Variants in RARB observed in about 807,000 individuals in gnomAD.
RARB encodes the protein HBV-activated protein.
A neutral mutation model predicts 51.9 loss-of-function variants in RARB; 17 were observed. The observed-to-expected ratio is 0.33, with a 90% confidence interval of 0.22 to 0.49. The LOEUF (loss-of-function observed/expected upper bound fraction) is 0.49. RARB is among the 20% of genes least tolerant of loss of function. The probability of loss-of-function intolerance (pLI) is 0.99; values close to 1 mark genes in which losing one functional copy is unlikely to be tolerated. For synonymous variants in RARB, 215 were observed against 195.4 expected, an observed-to-expected ratio of 1.10 and a Z score of -0.84; for missense variants, 369 against 550.8, an observed-to-expected ratio of 0.67 and a Z score of 3.30.
At chr3:25,429,897 T>C (rs757914027) in intron 1 of RARB, among the ~76,000 whole-genome samples, 9 of 152,242 alleles carry the variant, frequency 5.9e-5, no homozygotes, top group Non-Finnish European at 1.0e-4. Context: ...TGACAATTCA[T>C]TGGAGCATTA....
At chr3:25,204,103 T>C (rs1701466572) in intron 5 of RARB, among the ~76,000 whole-genome samples, 1 of 152,214 alleles carries the variant, frequency 6.6e-6, no homozygotes, top group Non-Finnish European at 1.5e-5. Flanking sequence ...CATAGTCCCA[T>C]ATTTCTTGGA....
chr3:25,041,111 G>A (rs1266521144), intron 2 of RARB, among the ~76,000 whole-genome samples: 1 of 152,170 alleles, frequency 6.6e-6, no homozygotes. Flanking sequence ...TGGGCAGAGG[G>A]ATTATCACAT....
intron 2 of RARB, among the ~76,000 whole-genome samples, chr3:25,056,382 A>G (rs1698443032): frequency 6.6e-6 from 1 of 152,202 alleles, no homozygotes; most frequent in South Asian, 2.1e-4. Context: ...GCTCAAAAGT[A>G]TATTTTGTGA....
At chr3:25,239,435 GTGTTA>G (rs1230308463) in intron 5 of RARB, among the ~76,000 whole-genome samples, 2 of 152,070 alleles carry the variant, frequency 1.3e-5, no homozygotes, top group East Asian at 3.9e-4. Flanking sequence ...ATAGTTTTGG[GTGTTA>G]TGTTTAAGTC....
chr3:25,442,872 C>T (rs781114270), intron 1 of RARB, among the ~76,000 whole-genome samples: 5 of 152,126 alleles, frequency 3.3e-5, no homozygotes, highest in African/African-American at 1.2e-4. Flanking sequence ...TGTCTATTCC[C>T]GTGCTCCACA....
At chr3:24,959,859 G>A (rs191211087) in intron 2 of RARB, among the ~76,000 whole-genome samples, 69 of 152,300 alleles carry the variant, frequency 4.5e-4, no homozygotes, top group Admixed American at 2.0e-3. Flanking sequence ...CTTATTTAAT[G>A]TTCACAAGAA....
At chr3:25,044,258 T>A (rs1698170409) in intron 2 of RARB, among the ~76,000 whole-genome samples, 2 of 152,196 alleles carry the variant, frequency 1.3e-5, no homozygotes, top group Admixed American at 6.5e-5. Flanking sequence ...TATGTGTGAT[T>A]CTGACATTAA....
chr3:25,227,699 A>T (rs575185405), intron 5 of RARB, among the ~76,000 whole-genome samples: 1 of 152,228 alleles, frequency 6.6e-6, no homozygotes, highest in African/African-American at 2.4e-5. Context: ...TTTTATTATC[A>T]TAATTCCAAT....
chr3:25,073,363 G>T (rs968332260), intron 3 of RARB, among the ~76,000 whole-genome samples: 1 of 152,124 alleles, frequency 6.6e-6, no homozygotes, highest in African/African-American at 2.4e-5. Context: ...TTCAATGCAG[G>T]TCATCACTTG....
intron 5 of RARB, among the ~76,000 whole-genome samples, chr3:25,390,353 A>G (rs1278515141): frequency 6.6e-6 from 1 of 152,124 alleles, no homozygotes; most frequent in African/African-American, 2.4e-5. Context: ...AGAAGACTCT[A>G]TTTACGAGGA....
At chr3:25,593,819 G>C in intron 6 of RARB, 112 bp downstream of exon 6, 1 of 1,032,754 alleles carries the variant, frequency 9.7e-7, no homozygotes, top group Non-Finnish European at 1.4e-6. Context: ...GGGAAAACAT[G>C]TGAATAAAGC....
intron 5 of RARB, among the ~76,000 whole-genome samples, chr3:25,342,355 C>T (rs955169106): frequency 6.6e-6 from 1 of 152,138 alleles, no homozygotes; most frequent in Non-Finnish European, 1.5e-5. Flanking sequence ...GGATGCCAAC[C>T]CTTTCAAAAA....
chr3:25,383,996 AC>A (rs1706713275), intron 5 of RARB, among the ~76,000 whole-genome samples: 1 of 152,210 alleles, frequency 6.6e-6, no homozygotes, highest in Non-Finnish European at 1.5e-5. Flanking sequence ...ATTAGACTAC[AC>A]AGATCTGTAA....
intron 5 of RARB, among the ~76,000 whole-genome samples, chr3:25,339,213 G>T (rs1430068511): frequency 1.3e-5 from 2 of 152,176 alleles, no homozygotes; most frequent in Non-Finnish European, 2.9e-5. Flanking sequence ...GCTAAATGAA[G>T]TTTAGCCTAA....
intron 2 of RARB, among the ~76,000 whole-genome samples, chr3:24,905,301 T>C (rs576599825): frequency 2.7e-4 from 41 of 152,292 alleles, no homozygotes; most frequent in Admixed American, 1.5e-3. Context: ...AAATGAGTTA[T>C]CTAAACAAAT....
At chr3:25,278,376 C>T (rs575947818) in intron 5 of RARB, among the ~76,000 whole-genome samples, 5 of 152,306 alleles carry the variant, frequency 3.3e-5, no homozygotes, top group South Asian at 4.1e-4. Flanking sequence ...TCACTCTCTA[C>T]CCATTGGACA....
intron 2 of RARB, among the ~76,000 whole-genome samples, chr3:25,493,294 T>C (rs2125594683): frequency 6.6e-6 from 1 of 152,334 alleles, no homozygotes; most frequent in Admixed American, 6.5e-5. Flanking sequence ...TTGCTATGAA[T>C]AACTTCTCAG....
rs558012707 is a variant in RARB at position 25,227,163 on chromosome 3, G to T, written c.178+52588G>T. Among the ~76,000 whole-genome samples the T allele has an allele frequency of 3.8e-4, 58 of 152,298 alleles. No homozygotes were observed. In the Middle Eastern group the frequency reaches 0.014, roughly 36 times the overall value. ...TTGATGGGCTCGTGGGCTCACTGAGGAGGTAAATATGTTTGCTGAAACGAT... is the reference window on the plus strand; with the variant it reads ...TTGATGGGCTCGTGGGCTCACTGAGTAGGTAAATATGTTTGCTGAAACGAT... On this transcript the variant is annotated intron_variant, in intron 5 of 11. Transcript: ENST00000383772.
Position 25,402,502 on chromosome 3 carries a change from T to A in RARB, c.179-58691T>A, listed in dbSNP as rs1707290570. On this transcript the variant is annotated intron_variant, in intron 5 of 11. Coordinates refer to the RARB transcript ENST00000383772. ...CAGAATATCAAAGAGATACCTGCAC[T>A]CCTCTGTTTGTCCAGTGCTGTTTAC... 2.0e-5 allele frequency among the ~76,000 whole-genome samples: 3 copies of A among 152,330 alleles called. No homozygotes were observed. In the South Asian group the frequency reaches 6.2e-4, roughly 32 times the overall value.
Sources: allele counts gnomAD v4.1 joint callset (sites outside exome capture counted in the v4.1 genomes callset), GRCh38; gene constraint gnomAD v4.1.1; transcripts MANE v1.5; gene names NCBI Gene and HGNC (gene_info 2026-07-23, HGNC 2026-07-21).